Variants in GLP2R observed in about 807,000 individuals in gnomAD.
GLP2R encodes the protein glucagon-like peptide 2 receptor.
In GLP2R, 59 loss-of-function variants were observed where a neutral mutation model predicts 68.2. That is an observed-to-expected ratio of 0.87 (90% CI 0.70 to 1.07). GLP2R has a LOEUF of 1.07. Among genes scored for constraint, GLP2R ranks in the 50% least tolerant of loss-of-function variants. The pLI, the probability that GLP2R is intolerant of heterozygous loss-of-function variation, is 0.00. For missense variants in GLP2R, 548 were observed against 677.4 expected (o/e 0.81, Z 2.12); for synonymous variants, 270 against 265.4 (o/e 1.02, Z -0.17).
intron 8 of GLP2R, among the ~76,000 whole-genome samples, chr17:9,861,731 C>T (rs8067550): frequency 0.012 from 1,788 of 152,240 alleles, 37 homozygotes; most frequent in African/African-American, 0.041. Context: ...CAAAAAACTA[C>T]ATAATTAGGA....
At chr17:9,862,160 G>A (rs891822588) in intron 9 of GLP2R, 70 bp downstream of exon 9, 7 of 1,104,652 alleles carry the variant, frequency 6.3e-6, no homozygotes, top group African/African-American at 3.1e-5. Context: ...CGCCCCACCC[G>A]ACTTCTGTCC....
chr17:9,853,821 T>G (rs776002913), intron 4 of GLP2R, among the ~76,000 whole-genome samples: 4 of 152,114 alleles, frequency 2.6e-5, no homozygotes, highest in Non-Finnish European at 4.4e-5. Flanking sequence ...CTACATGAAC[T>G]CTCCAGAAAA....
intron 2 of GLP2R, chr17:9,834,824 C>G (rs1439031279): frequency 2.0e-5 from 3 of 152,356 alleles, no homozygotes; most frequent in Admixed American, 6.5e-5. Context: ...GCAGGAACCA[C>G]CTCTCGCTTT....
intron 1 of GLP2R, among the ~76,000 whole-genome samples, chr17:9,828,882 C>T (rs1441437421): frequency 6.6e-6 from 1 of 152,192 alleles, no homozygotes; most frequent in African/African-American, 2.4e-5. Context: ...CTCTGCCACC[C>T]AGTCTGCGTT....
chr17:9,847,329 G>A (rs1186128877), intron 4 of GLP2R, among the ~76,000 whole-genome samples: 2 of 151,968 alleles, frequency 1.3e-5, no homozygotes, highest in Admixed American at 6.6e-5. Flanking sequence ...GAATGCAGTG[G>A]CACGATCTCG....
chr17:9,833,629 AAT>A (rs1484193025), intron 1 of GLP2R, among the ~76,000 whole-genome samples, 176 bp from the exon 2 acceptor site: 1 of 152,136 alleles, frequency 6.6e-6, no homozygotes, highest in Non-Finnish European at 1.5e-5. Context: ...TTATGGAGTG[AAT>A]GTAAAATTTG....
At chr17:9,842,449 G>A (rs773505312) in intron 3 of GLP2R, 46 bp from the exon 4 acceptor site, 13 of 1,612,062 alleles carry the variant, frequency 8.1e-6, no homozygotes, top group Middle Eastern at 1.7e-4. Flanking sequence ...TCAGGGGAAC[G>A]GGCTGTGTGT....
At chr17:9,830,580 T>C (rs943275071) in intron 1 of GLP2R, among the ~76,000 whole-genome samples, 1 of 152,222 alleles carries the variant, frequency 6.6e-6, no homozygotes, top group Admixed American at 6.5e-5. Flanking sequence ...TTATTACTTA[T>C]TGGATAATTG....
Position 9,889,678 on chromosome 17 carries a change from GGAGATTCTGGAAGA to G in GLP2R, c.1639_1652del (p.Ile547Ter). The G allele has an allele frequency of 6.3e-7, 1 of 1,586,144 alleles. No individual in the cohort carries two copies. The highest frequency in any genetic ancestry group is 1.1e-5 in the South Asian group (1 of 88,844). On this transcript the variant is annotated frameshift_variant, in exon 13 of 13. Transcript: ENST00000262441. LOFTEE classifies it high-confidence loss of function. ...ATGTCACCATGGCCAACACCATGGAGGAGATTCTGGAAGAGAGTGAGATCTAGGGTGGAGTTCCA... is the reference window on the plus strand; with the variant it reads ...ATGTCACCATGGCCAACACCATGGAGGAGTGAGATCTAGGGTGGAGTTCCA...
chr17:9,861,066 A>T, intron 7 of GLP2R, 73 bp from the exon 8 acceptor site: 1 of 1,022,372 alleles, frequency 9.8e-7, no homozygotes, highest in Non-Finnish European at 1.6e-6. Context: ...GGTTAGCCTC[A>T]TCCGCTGTGG....
intron 4 of GLP2R, among the ~76,000 whole-genome samples, chr17:9,844,630 C>T (rs1217127254): frequency 4.3e-5 from 6 of 139,818 alleles, no homozygotes; most frequent in Non-Finnish European, 7.7e-5. Flanking sequence ...CAGGGAGAGG[C>T]CTTGCCCTTT....
chr17:9,857,929 A>C (rs1408780863), intron 6 of GLP2R, among the ~76,000 whole-genome samples: 1 of 152,216 alleles, frequency 6.6e-6, no homozygotes, highest in African/African-American at 2.4e-5. Flanking sequence ...GGGATAGAAG[A>C]TACCTGGGAA....
At chr17:9,871,473 G>A (rs2067092073) in intron 10 of GLP2R, among the ~76,000 whole-genome samples, 2 of 151,998 alleles carry the variant, frequency 1.3e-5, no homozygotes, top group Non-Finnish European at 2.9e-5. Flanking sequence ...GGGTGTTTTT[G>A]AGACCTTGAG....
chr17:9,880,574 C>T (rs1482345047), intron 11 of GLP2R, 58 bp downstream of exon 11: 12 of 1,206,246 alleles, frequency 9.9e-6, no homozygotes, highest in Admixed American at 4.4e-5. Flanking sequence ...ATGCATGTGG[C>T]CGAAACAGGC....
intron 3 of GLP2R, among the ~76,000 whole-genome samples, chr17:9,839,152 GA>G (rs2066760754): frequency 6.6e-6 from 1 of 152,194 alleles, no homozygotes; most frequent in African/African-American, 2.4e-5. Flanking sequence ...CTGGGAGAAT[GA>G]CATTGAGAGC....
chr17:9,884,518 C>T (rs533223372), intron 11 of GLP2R, among the ~76,000 whole-genome samples: 27 of 152,144 alleles, frequency 1.8e-4, no homozygotes, highest in Middle Eastern at 3.2e-3. Flanking sequence ...GTTCCCTATA[C>T]CAGTCTTAAA....
chr17:9,832,392 G>C (rs2066688564), intron 1 of GLP2R, among the ~76,000 whole-genome samples: 1 of 152,144 alleles, frequency 6.6e-6, no homozygotes, highest in South Asian at 2.1e-4. Context: ...GATCAACGTG[G>C]TGAAACCCTG....
Position 9,842,525 on chromosome 17 carries a change from T to C in GLP2R, c.413T>C (p.Leu138Ser), listed in dbSNP as rs761310861. 24 of 1,614,034 alleles carry C rather than the reference T, an allele frequency of 1.5e-5. No individual in the cohort carries two copies. The highest frequency in any genetic ancestry group is 1.9e-5 in the Non-Finnish European group (22 of 1,180,030). The stretch of plus-strand genomic sequence containing the variant: ...TCAGGAAGGGCCTACAGACACTGCT[T>C]GGCTCAGGGGACTTGGCAGACGATA... ...ESSGRAYRHC[L>S]AQGTWQTIEN... The change falls in exon 4 of 13, where the codon TTG (leucine) becomes TCG (serine). Residue 138 changes from leucine (L) to serine (S), a missense_variant. Physicochemically the swap from Leu to Ser is moderately radical, Grantham distance 145 (BLOSUM62 -2). Transcript: ENST00000262441.
chr17:9,861,319 A>G, intron 8 of GLP2R, 120 bp downstream of exon 8: 2 of 703,746 alleles, frequency 2.8e-6, no homozygotes, highest in South Asian at 3.6e-5. Context: ...TTGGCCATCT[A>G]GAATATTCTT....
Sources: gnomAD v4.1 joint callset for allele counts (sites outside exome capture counted in the v4.1 genomes callset) on GRCh38, gnomAD v4.1.1 for gene constraint, MANE v1.5 for transcripts, NCBI Gene and HGNC (gene_info 2026-07-23, HGNC 2026-07-21) for gene names.